The following CECR2 variants were observed in gnomAD, a reference collection of about 807,000 sequenced individuals.
CECR2 encodes CECR2 histone acetyl-lysine reader, also known as chromatin remodeling regulator CECR2.
Under a neutral mutation model 154.5 loss-of-function variants are expected in CECR2, and 30 were observed. The observed-to-expected ratio is 0.19, with a 90% confidence interval of 0.15 to 0.26. The LOEUF is 0.26. Ranked by LOEUF, CECR2 falls within the 10% of genes least tolerant of loss-of-function variation. The pLI is 1.00. For synonymous variants in CECR2, 725 were observed against 683.7 expected (o/e 1.06, Z -0.94); for missense variants, 1,743 against 1,829.3 (o/e 0.95, Z 0.86).
intron 1 of CECR2, among the ~76,000 whole-genome samples, chr22:17,442,314 A>G (rs1365430102): frequency 6.6e-6 from 1 of 152,212 alleles, no homozygotes; most frequent in Admixed American, 6.5e-5. Flanking sequence ...CTATAATCCC[A>G]GAACTTCAGG....
chr22:17,478,143 C>T (rs1363902127), intron 2 of CECR2, among the ~76,000 whole-genome samples: 1 of 151,858 alleles, frequency 6.6e-6, no homozygotes, highest in Non-Finnish European at 1.5e-5. Flanking sequence ...TGTATGGAGA[C>T]AAATAAAGGA....
intron 1 of CECR2, among the ~76,000 whole-genome samples, chr22:17,453,018 A>G (rs766451875): frequency 3.2e-4 from 48 of 152,366 alleles, no homozygotes; most frequent in Non-Finnish European, 5.1e-4. Context: ...ACAAATGTTT[A>G]TCGGATATTT....
intron 1 of CECR2, among the ~76,000 whole-genome samples, chr22:17,378,299 GTTTTT>G (rs1318005829): frequency 2.8e-4 from 41 of 148,036 alleles, no homozygotes; most frequent in African/African-American, 1.0e-3. Flanking sequence ...TTGTTTTTTT[GTTTTT>G]TTGTTTTTGG....
intron 7 of CECR2, among the ~76,000 whole-genome samples, chr22:17,506,857 T>C (rs986879586): frequency 2.0e-5 from 3 of 152,190 alleles, no homozygotes; most frequent in Admixed American, 2.0e-4. Context: ...GGTTTCGCTG[T>C]GTTGGCCAGG....
rs1234552773 is a variant in CECR2 at position 17,548,822 on chromosome 22, C to T, written c.3535C>T (p.Pro1179Ser). 2.5e-6 allele frequency: 4 copies of T among 1,613,710 alleles called. No individual in the cohort carries two copies. The South Asian group carries it at 3.3e-5, about 13-fold the overall frequency. ...TGGAGGCTTTCCCCGGTATCGCCCCCCACAAGGAATGAGGTATTCCTACCA... is the reference window on the plus strand; with the variant it reads ...TGGAGGCTTTCCCCGGTATCGCCCCTCACAAGGAATGAGGTATTCCTACCA... The part of the protein sequence containing the change: ...HSGGFPRYRP[P>S]QGMRYSYHPP... The change falls in exon 17 of 19, where the codon CCA (proline) becomes TCA (serine). Residue 1179 changes from proline (P) to serine (S), a missense_variant. Physicochemically the swap from Pro to Ser is moderately conservative, Grantham distance 74 (BLOSUM62 -1). Transcript: ENST00000262608.
intron 10 of CECR2, 72 bp from the exon 11 acceptor site, chr22:17,538,448 C>A: frequency 7.4e-7 from 1 of 1,346,750 alleles, no homozygotes; most frequent in Non-Finnish European, 1.1e-6. Flanking sequence ...GGTGTGTCTG[C>A]GATAGACCTG....
At chr22:17,437,657 C>G (rs1316371774) in intron 1 of CECR2, among the ~76,000 whole-genome samples, 2 of 151,976 alleles carry the variant, frequency 1.3e-5, no homozygotes, top group Non-Finnish European at 2.9e-5. Flanking sequence ...TTTATGACTT[C>G]TTTTTATGTA....
rs1271769217 is a variant in CECR2 at position 17,500,251 on chromosome 22, ACGTTAGTATCCATCAGTTT to A, written c.546-379_546-361del. The stretch of plus-strand genomic sequence containing the variant: ...AAGAATTTAATGATGTAGTTTATGA[ACGTTAGTATCCATCAGTTT>A]AAGAACAGAAGGAATTTAAATGATG... On this transcript the variant is annotated intron_variant, in intron 4 of 18. Coordinates refer to ENST00000262608, the MANE Select transcript of CECR2 (RefSeq NM_001290047.2). Among the ~76,000 whole-genome samples, 170 of 151,998 alleles carry A rather than the reference ACGTTAGTATCCATCAGTTT, an allele frequency of 1.1e-3. 3 individuals are homozygous for A. Among genetic ancestry groups the A allele is most frequent in the African/African-American group, 3.9e-3 (161 of 41,438 alleles).
intron 1 of CECR2, among the ~76,000 whole-genome samples, chr22:17,438,827 CTT>C (rs2146659239): frequency 6.6e-6 from 1 of 152,092 alleles, no homozygotes; most frequent in Admixed American, 6.5e-5. Context: ...CACAGTGAAA[CTT>C]AATAAAATTG....
chr22:17,362,596 G>A (rs1046055658), intron 1 of CECR2, among the ~76,000 whole-genome samples: 6 of 151,860 alleles, frequency 4.0e-5, no homozygotes, highest in Admixed American at 1.3e-4. Flanking sequence ...TAATATTTTA[G>A]ATAGATTGGA....
intron 2 of CECR2, among the ~76,000 whole-genome samples, chr22:17,495,885 AG>A (rs2055618783): frequency 1.5e-5 from 2 of 135,578 alleles, no homozygotes; most frequent in Admixed American, 1.5e-4. Flanking sequence ...AAAAAAAAAA[AG>A]GTATTTACAC....
At chr22:17,414,391 T>C (rs557572698) in intron 1 of CECR2, among the ~76,000 whole-genome samples, 1 of 152,216 alleles carries the variant, frequency 6.6e-6, no homozygotes, top group East Asian at 1.9e-4. Flanking sequence ...TGGCAAATTA[T>C]ATACCTAAAA....
At chr22:17,477,071 TAAAA>T in intron 1 of CECR2, 1 of 714,262 alleles carries the variant, frequency 1.4e-6, no homozygotes, top group Non-Finnish European at 2.6e-6. Flanking sequence ...CATCCCAAAA[TAAAA>T]ATTGTCATTA....
In CECR2 at chr22:17,392,467, G is replaced by A. The variant is rs368694160; in HGVS notation, c.126+22558G>A. Among the ~76,000 whole-genome samples, 24 of 152,178 alleles carry A rather than the reference G, an allele frequency of 1.6e-4. No homozygotes were observed. In the Middle Eastern group the frequency reaches 0.01, roughly 65 times the overall value. On this transcript the variant is annotated intron_variant, in intron 1 of 18. Coordinates refer to ENST00000262608, the MANE Select transcript of CECR2 (RefSeq NM_001290047.2). ...CGTGCCATTGCACTCCAGCCTGGGCGACAGTGAGACTCCGTCTCAAAAATA... is the reference window on the plus strand; with the variant it reads ...CGTGCCATTGCACTCCAGCCTGGGCAACAGTGAGACTCCGTCTCAAAAATA...
At chr22:17,544,686 T>TGA (rs1409293795) in intron 16 of CECR2, among the ~76,000 whole-genome samples, 1 of 151,118 alleles carries the variant, frequency 6.6e-6, no homozygotes, top group Non-Finnish European at 1.5e-5. Context: ...GGCAGGTGCC[T>TGA]GTAGTCCCAG....
intron 9 of CECR2, among the ~76,000 whole-genome samples, chr22:17,531,468 A>C (rs956815842): frequency 6.6e-6 from 1 of 152,212 alleles, no homozygotes; most frequent in Non-Finnish European, 1.5e-5. Flanking sequence ...CCAGCAGAGA[A>C]GGGAGTTGTA....
In CECR2 at chr22:17,398,600, G is replaced by T. The variant is rs140196554; in HGVS notation, c.126+28691G>T. Among the ~76,000 whole-genome samples the T allele has an allele frequency of 3.5e-3, 535 of 152,284 alleles. 1 individual carries two copies. Among genetic ancestry groups the T allele is most frequent in the Non-Finnish European group, 5.1e-3 (348 of 68,028 alleles). On this transcript the variant is annotated intron_variant, in intron 1 of 18. Transcript: ENST00000262608. Reference sequence around the variant, plus strand: ...TCCTGGTGCCATCCACAGTGCTTCTGTGACACTGGACAATTTACTTAACAG... The same window carrying T: ...TCCTGGTGCCATCCACAGTGCTTCTTTGACACTGGACAATTTACTTAACAG...
At chr22:17,473,400 A>G (rs1405685305) in intron 1 of CECR2, among the ~76,000 whole-genome samples, 3 of 152,210 alleles carry the variant, frequency 2.0e-5, no homozygotes, top group African/African-American at 4.8e-5. Flanking sequence ...TTATTGCCTT[A>G]GTCTAAGACT....
intron 1 of CECR2, among the ~76,000 whole-genome samples, chr22:17,437,766 A>C (rs1308954123): frequency 6.6e-6 from 1 of 152,210 alleles, no homozygotes; most frequent in Non-Finnish European, 1.5e-5. Flanking sequence ...TTTAAAATGC[A>C]AGGTGAGCAT....
Sources: gnomAD v4.1 joint callset for allele counts (sites outside exome capture counted in the v4.1 genomes callset) on GRCh38, gnomAD v4.1.1 for gene constraint, MANE v1.5 for transcripts, NCBI Gene and HGNC (gene_info 2026-07-23, HGNC 2026-07-21) for gene names.